Variants in MYOF observed in about 807,000 individuals in gnomAD.
The protein encoded by MYOF is fer-1-like 3, myoferlin.
Under a neutral mutation model 284.2 loss-of-function variants are expected in MYOF, and 244 were observed. That is an observed-to-expected ratio of 0.86 (90% CI 0.77 to 0.95). MYOF has a LOEUF of 0.95. MYOF is among the 40% of genes least tolerant of loss of function. The pLI is 0.00. For missense variants in MYOF, 2,496 were observed against 2,560.6 expected, an observed-to-expected ratio of 0.97 and a Z score of 0.54; for synonymous variants, 904 against 919.7, an observed-to-expected ratio of 0.98 and a Z score of 0.31.
intron 3 of MYOF, among the ~76,000 whole-genome samples, chr10:93,450,413 AAAC>A (rs1589589648): frequency 6.6e-6 from 1 of 151,052 alleles, no homozygotes; most frequent in African/African-American, 2.4e-5. Flanking sequence ...AAACAAACAA[AAAC>A]CACAAAAATT....
At chr10:93,357,991 G>T (rs568922041) in intron 29 of MYOF, among the ~76,000 whole-genome samples, 18 of 152,122 alleles carry the variant, frequency 1.2e-4, no homozygotes, top group Non-Finnish European at 2.5e-4. Flanking sequence ...CACAGCAAAA[G>T]AAACTATCAT....
chr10:93,341,933 C>G, intron 38 of MYOF: 1 of 1,289,770 alleles, frequency 7.8e-7, no homozygotes, highest in South Asian at 1.2e-5. Context: ...GCTGGAGAAG[C>G]CATTTTGCTG....
At chr10:93,381,546 C>A (rs1245630514) in intron 19 of MYOF, 150 bp from the exon 20 acceptor site, 2 of 762,216 alleles carry the variant, frequency 2.6e-6, no homozygotes, top group Non-Finnish European at 4.2e-6. Flanking sequence ...GTTCCTCTTG[C>A]ACTCATACAA....
chr10:93,462,308 G>A (rs1482259854), intron 1 of MYOF, among the ~76,000 whole-genome samples: 2 of 152,110 alleles, frequency 1.3e-5, no homozygotes, highest in Non-Finnish European at 2.9e-5. Context: ...GACCTCAAGT[G>A]ATCCGCTCAC....
chr10:93,398,459 T>C (rs1847125550), intron 13 of MYOF, among the ~76,000 whole-genome samples: 1 of 152,230 alleles, frequency 6.6e-6, no homozygotes, highest in Non-Finnish European at 1.5e-5. Context: ...TTCCCATGTG[T>C]TCGTTTCTAT....
chr10:93,383,194 G>C lies in MYOF; in HGVS notation c.1699-1798C>G, dbSNP rs560185970. 5.3e-5 allele frequency among the ~76,000 whole-genome samples: 8 copies of C among 152,298 alleles called. No individual in the cohort carries two copies. In the South Asian group the frequency reaches 1.2e-3, roughly 24 times the overall value. ...TTACAGGCATGAGCCACCGTGCCTG[G>C]CTGGAATTTTTAAATTTTTAAGGAC... On this transcript the variant is annotated intron_variant, in intron 19 of 53. Coordinates refer to ENST00000359263, the MANE Select transcript of MYOF (RefSeq NM_013451.4).
At chr10:93,337,234 G>T (rs1222733857) in intron 40 of MYOF, among the ~76,000 whole-genome samples, 2 of 148,724 alleles carry the variant, frequency 1.3e-5, no homozygotes, top group African/African-American at 5.0e-5. Context: ...GAAAACTTTA[G>T]CACTGCTTCT....
At chr10:93,455,648 C>A (rs1379781783) in intron 2 of MYOF, among the ~76,000 whole-genome samples, 1 of 151,998 alleles carries the variant, frequency 6.6e-6, no homozygotes, top group Non-Finnish European at 1.5e-5. Context: ...CTGAGGGAGA[C>A]CCTATCTCAA....
chr10:93,322,837 A>G (rs991946356), intron 48 of MYOF, among the ~76,000 whole-genome samples: 2 of 152,240 alleles, frequency 1.3e-5, no homozygotes, highest in African/African-American at 4.8e-5. Flanking sequence ...TCAAAAAGGA[A>G]ACAAAGAAAT....
intron 3 of MYOF, among the ~76,000 whole-genome samples, chr10:93,441,390 C>CT (rs1300303198): frequency 1.1e-3 from 160 of 145,254 alleles, no homozygotes; most frequent in East Asian, 1.8e-3. Flanking sequence ...TAGTACATTT[C>CT]TTTTTTTTTT....
At chr10:93,378,154 C>T (rs1322198421) in intron 21 of MYOF, among the ~76,000 whole-genome samples, 4 of 152,142 alleles carry the variant, frequency 2.6e-5, no homozygotes, top group Admixed American at 6.5e-5. Context: ...AAGCTCAAAA[C>T]ATATGGTTCT....
intron 1 of MYOF, among the ~76,000 whole-genome samples, chr10:93,460,324 A>G (rs1438387144): frequency 6.6e-6 from 1 of 152,216 alleles, no homozygotes; most frequent in African/African-American, 2.4e-5. Context: ...TGCCCTCAGG[A>G]GGCACAGGAT....
rs1845212025 is a variant in MYOF, at chr10:93,364,081, G to C, written c.2754-6C>G. 6.2e-7 allele frequency: 1 copy of C among 1,612,652 alleles called. No homozygotes were observed. Among genetic ancestry groups the C allele is most frequent in the South Asian group, 1.1e-5 (1 of 91,040 alleles). On this transcript the variant is annotated splice_polypyrimidine_tract_variant and splice_region_variant and intron_variant, in intron 26 of 53. Coordinates refer to ENST00000359263, the MANE Select transcript of MYOF (RefSeq NM_013451.4). ...CATCTGCCTCAGTCAGCAAGCTGTG[G>C]GGCGGGGAGGGCTCAAGTTACCCAA...
chr10:93,442,019 C>CAT (rs2056279397), intron 3 of MYOF, among the ~76,000 whole-genome samples: 1 of 147,524 alleles, frequency 6.8e-6, no homozygotes, highest in Non-Finnish European at 1.5e-5. Context: ...CACACACACA[C>CAT]ACACACACAC....
chr10:93,340,282 T>A (rs1843837022), intron 38 of MYOF, 118 bp from the exon 39 acceptor site: 5 of 974,410 alleles, frequency 5.1e-6, no homozygotes, highest in Non-Finnish European at 7.9e-6. Context: ...TATTCATGCA[T>A]GCCTTATATT....
chr10:93,421,182 G>A (rs544192419), intron 5 of MYOF, among the ~76,000 whole-genome samples: 44 of 152,150 alleles, frequency 2.9e-4, no homozygotes, highest in Non-Finnish European at 5.3e-4. Context: ...ACTCCACTGC[G>A]TTCCAGCCTG....
At position 93,392,933 on chromosome 10, in the gene MYOF, C is replaced by T. The variant is rs746812582; in HGVS notation, c.1440G>A (p.Gly480=). The change falls in exon 17 of 54, where the codon GGG becomes GGA. Residue 480 remains glycine (G), a synonymous_variant. Transcript: ENST00000359263. ...EVEDFSSSGT[G]AASYTVNTGE... ...AGCATAAACCTGTATATGATGCAGC[C>T]CCAGTTCCCGAAGATGAGAAATCTA... 6.2e-7 allele frequency: 1 copy of T among 1,612,100 alleles called. No homozygotes were observed. Among genetic ancestry groups the T allele is most frequent in the East Asian group, 2.2e-5 (1 of 44,846 alleles).
chr10:93,432,681 G>T (rs1848928925), intron 3 of MYOF, among the ~76,000 whole-genome samples: 1 of 152,104 alleles, frequency 6.6e-6, no homozygotes, highest in South Asian at 2.1e-4. Flanking sequence ...CCTAGAACTT[G>T]GTGGATAATA....
chr10:93,444,602 C>T (rs1192435624), intron 3 of MYOF, among the ~76,000 whole-genome samples: 2 of 152,148 alleles, frequency 1.3e-5, no homozygotes, highest in Non-Finnish European at 2.9e-5. Flanking sequence ...AGGGGCTGCT[C>T]TAGGCTGGAT....
Sources: allele counts gnomAD v4.1 joint callset (sites outside exome capture counted in the v4.1 genomes callset), GRCh38; gene constraint gnomAD v4.1.1; transcripts MANE v1.5; gene names NCBI Gene and HGNC (gene_info 2026-07-23, HGNC 2026-07-21).